LOC400499: variants seen among roughly 807,000 people sequenced by gnomAD.
chr16:11,397,749 GGGAGGGATGGAGGGAGGGAGGGAT>G, the LOC400499 span, among the ~76,000 whole-genome samples: 55,487 of 119,646 alleles, frequency 0.46, 14,750 homozygotes, highest in Admixed American at 0.59. Context: ...GATGGAGGGA[GGGAGGGATGGAGGGAGGGAGGGAT>G]GGAGGGAGGG....
the LOC400499 span, among the ~76,000 whole-genome samples, chr16:11,484,596 T>C: frequency 7.2e-5 from 11 of 152,242 alleles, no homozygotes; most frequent in African/African-American, 2.4e-4. Context: ...GAGCTGAAGA[T>C]GGTCTGGGTG....
the LOC400499 span, among the ~76,000 whole-genome samples, chr16:11,405,985 C>T: frequency 1.3e-5 from 2 of 152,168 alleles, no homozygotes; most frequent in African/African-American, 4.8e-5. Context: ...AGGCCCTTTG[C>T]ATGTCTTGTT....
At chr16:11,417,113 AC>A in the LOC400499 span, among the ~76,000 whole-genome samples, 22,685 of 146,838 alleles carry the variant, frequency 0.15, 2,215 homozygotes, top group African/African-American at 0.29. Context: ...TTGAAGTCCC[AC>A]CCCCCCTCAC....
At chr16:11,392,849 T>A in the LOC400499 span, 2 of 938,712 alleles carry the variant, frequency 2.1e-6, no homozygotes, top group Non-Finnish European at 1.3e-6. Context: ...GGTTTTTTCG[T>A]TTTTGTTTTT....
the LOC400499 span, chr16:11,383,874 G>T: frequency 8.1e-7 from 1 of 1,232,180 alleles, no homozygotes. Flanking sequence ...CATGGGCCAG[G>T]CTCACACTCA....
chr16:11,416,838 G>T, the LOC400499 span, among the ~76,000 whole-genome samples: 8 of 152,128 alleles, frequency 5.3e-5, no homozygotes, highest in Non-Finnish European at 4.4e-5. Context: ...GCGTGTTGAA[G>T]AATAGCAAGG....
At chr16:11,460,079 T>G in the LOC400499 span, 1 of 1,333,216 alleles carries the variant, frequency 7.5e-7, no homozygotes. Flanking sequence ...GGTGGTGAAC[T>G]GCCCATGGAG....
chr16:11,482,753 T>C, the LOC400499 span, among the ~76,000 whole-genome samples: 1 of 151,890 alleles, frequency 6.6e-6, no homozygotes, highest in South Asian at 2.1e-4. Flanking sequence ...CTTAGCCAGG[T>C]GTGGCAGTAC....
At chr16:11,501,573 G>A in the LOC400499 span, among the ~76,000 whole-genome samples, 1 of 151,978 alleles carries the variant, frequency 6.6e-6, no homozygotes, top group Non-Finnish European at 1.5e-5. Context: ...GCCCAGGCTG[G>A]TCTCAAACTC....
At chr16:11,413,365 G>A in the LOC400499 span, among the ~76,000 whole-genome samples, 13,664 of 152,252 alleles carry the variant, frequency 0.09, 602 homozygotes, top group Middle Eastern at 0.19. Context: ...CCTGGGAGCT[G>A]CTCCCTCCTC....
chr16:11,487,509 G>A, the LOC400499 span: 1 of 384,266 alleles, frequency 2.6e-6, no homozygotes, highest in Non-Finnish European at 4.5e-6. Flanking sequence ...CCCCTCCCTG[G>A]CCAGGATGGG....
At chr16:11,373,702 C>G in the LOC400499 span, among the ~76,000 whole-genome samples, 1 of 152,158 alleles carries the variant, frequency 6.6e-6, no homozygotes, top group African/African-American at 2.4e-5. Flanking sequence ...TCACTGCAAC[C>G]TCTACCTCCC....
the LOC400499 span, chr16:11,450,560 T>A: frequency 6.6e-7 from 1 of 1,514,248 alleles, no homozygotes; most frequent in South Asian, 1.2e-5. Context: ...CAGAAAAAGA[T>A]CTCAGTGGCA....
chr16:11,423,122 C>T, the LOC400499 span: 41 of 399,238 alleles, frequency 1.0e-4, no homozygotes, highest in African/African-American at 7.0e-4. Context: ...GTGCCAGCCC[C>T]GCTGGAGGGG....
the LOC400499 span, chr16:11,392,531 C>A: frequency 0.013 from 5,261 of 399,308 alleles, 59 homozygotes; most frequent in South Asian, 0.038. Context: ...TGCTGGTGCC[C>A]CCACCATGTC....
At chr16:11,393,066 G>C in the LOC400499 span, among the ~76,000 whole-genome samples, 5 of 152,036 alleles carry the variant, frequency 3.3e-5, no homozygotes, top group African/African-American at 4.8e-5. Flanking sequence ...GTGTTAGCCA[G>C]GATGGTCTCG....
chr16:11,486,527 G>A, the LOC400499 span, among the ~76,000 whole-genome samples: 1 of 128,842 alleles, frequency 7.8e-6, no homozygotes, highest in Non-Finnish European at 1.6e-5. Flanking sequence ...TGGCTGGATA[G>A]ATGATGGGAG....
At chr16:11,385,429 A>G in the LOC400499 span, 4 of 1,232,138 alleles carry the variant, frequency 3.2e-6, no homozygotes, top group Non-Finnish European at 4.0e-6. Flanking sequence ...GGGTAGAAGC[A>G]GCCCAAAGGC....
At chr16:11,385,079 G>A in the LOC400499 span, 13 of 1,232,116 alleles carry the variant, frequency 1.1e-5, no homozygotes, top group African/African-American at 1.6e-4. Context: ...TGGGCCAGAG[G>A]GGGCTGGGCA....
Sources: allele counts gnomAD v4.1 joint callset (sites outside exome capture counted in the v4.1 genomes callset), GRCh38; gene constraint gnomAD v4.1.1; transcripts MANE v1.5.